QTMAN: variants seen among roughly 807,000 people sequenced by gnomAD.
QTMAN encodes the protein queuosine-tRNA mannosyltransferase.
the QTMAN span, among the ~76,000 whole-genome samples, chr2:144,033,857 G>A: frequency 6.6e-6 from 1 of 152,156 alleles, no homozygotes; most frequent in East Asian, 1.9e-4. Context: ...GAAACTCCAT[G>A]CATTTTAGGA....
At chr2:144,294,733 A>G in the QTMAN span, among the ~76,000 whole-genome samples, 1 of 152,214 alleles carries the variant, frequency 6.6e-6, no homozygotes, top group Admixed American at 6.5e-5. Context: ...AACAAATTGG[A>G]CTTGTTCAGT....
At chr2:144,252,409 T>G in the QTMAN span, among the ~76,000 whole-genome samples, 6 of 151,606 alleles carry the variant, frequency 4.0e-5, no homozygotes, top group African/African-American at 1.2e-4. Context: ...AAATAAAAAG[T>G]AAGGGGGGGC....
At chr2:144,051,524 CAAT>C in the QTMAN span, among the ~76,000 whole-genome samples, 10 of 152,206 alleles carry the variant, frequency 6.6e-5, no homozygotes, top group South Asian at 2.1e-4. Context: ...TCTCTAACAA[CAAT>C]AACAACAACA....
the QTMAN span, among the ~76,000 whole-genome samples, chr2:144,003,979 G>C: frequency 6.6e-6 from 1 of 151,886 alleles, no homozygotes; most frequent in African/African-American, 2.4e-5. Context: ...TTTTATTTTT[G>C]TTTTGTTAGG....
chr2:144,153,583 T>C, the QTMAN span, among the ~76,000 whole-genome samples: 1 of 151,912 alleles, frequency 6.6e-6, no homozygotes, highest in African/African-American at 2.4e-5. Flanking sequence ...CCCAGTTACT[T>C]GGGAGGCTGA....
the QTMAN span, chr2:143,957,118 T>TTACA: frequency 8.7e-7 from 1 of 1,155,530 alleles, no homozygotes; most frequent in East Asian, 2.5e-5. Context: ...AATGTATTAT[T>TTACA]TGAAATAACA....
the QTMAN span, among the ~76,000 whole-genome samples, chr2:143,966,436 A>G: frequency 6.6e-6 from 1 of 152,240 alleles, no homozygotes; most frequent in Non-Finnish European, 1.5e-5. Context: ...GTCACAGAAC[A>G]TGTCTACTTC....
the QTMAN span, among the ~76,000 whole-genome samples, chr2:144,250,136 G>GT: frequency 7.2e-6 from 1 of 138,862 alleles, no homozygotes; most frequent in African/African-American, 3.1e-5. Flanking sequence ...TTTTTTTTTT[G>GT]TTTGTTTTTG....
At chr2:144,299,679 G>T in the QTMAN span, among the ~76,000 whole-genome samples, 1 of 152,166 alleles carries the variant, frequency 6.6e-6, no homozygotes, top group South Asian at 2.1e-4. Flanking sequence ...TACACTGCTG[G>T]TGGGAATACA....
chr2:144,023,650 A>T, the QTMAN span, among the ~76,000 whole-genome samples: 2,368 of 152,308 alleles, frequency 0.016, 61 homozygotes, highest in African/African-American at 0.053. Flanking sequence ...AGTTCATGAA[A>T]ATGGGCAAAT....
the QTMAN span, among the ~76,000 whole-genome samples, chr2:144,241,552 A>T: frequency 4.6e-5 from 7 of 152,368 alleles, no homozygotes; most frequent in African/African-American, 1.7e-4. Flanking sequence ...CAAACTAGTA[A>T]GCAGAATCAG....
the QTMAN span, among the ~76,000 whole-genome samples, chr2:144,311,386 C>G: frequency 2.6e-5 from 4 of 152,128 alleles, no homozygotes; most frequent in Admixed American, 2.6e-4. Context: ...ATGCTTATAA[C>G]CATCCAGGTA....
At chr2:144,091,254 T>C in the QTMAN span, among the ~76,000 whole-genome samples, 2 of 152,118 alleles carry the variant, frequency 1.3e-5, no homozygotes, top group African/African-American at 2.4e-5. Context: ...TAATTCTAAA[T>C]TGTAAAACCT....
At chr2:144,246,579 C>CAAAAAAAA in the QTMAN span, among the ~76,000 whole-genome samples, 4 of 47,056 alleles carry the variant, frequency 8.5e-5, no homozygotes, top group Admixed American at 2.2e-4. Context: ...GACTCCGTCT[C>CAAAAAAAA]AAAAAAAAAA....
chr2:143,975,785 T>C, the QTMAN span, among the ~76,000 whole-genome samples: 1 of 152,016 alleles, frequency 6.6e-6, no homozygotes, highest in African/African-American at 2.4e-5. Flanking sequence ...TGGAGGAGAG[T>C]TGCCCTGTAA....
At chr2:143,953,811 C>A in the QTMAN span, among the ~76,000 whole-genome samples, 1 of 151,860 alleles carries the variant, frequency 6.6e-6, no homozygotes, top group East Asian at 1.9e-4. Flanking sequence ...TTTTGAACTG[C>A]AGATTTTTTT....
At chr2:144,072,040 C>T in the QTMAN span, among the ~76,000 whole-genome samples, 3 of 152,294 alleles carry the variant, frequency 2.0e-5, no homozygotes, top group South Asian at 6.2e-4. Context: ...ACTAAATCTA[C>T]AATTTTCTAC....
chr2:143,967,910 G>A, the QTMAN span, among the ~76,000 whole-genome samples: 1 of 152,138 alleles, frequency 6.6e-6, no homozygotes. Flanking sequence ...TGTTATAAAG[G>A]ATTACAGAGT....
the QTMAN span, among the ~76,000 whole-genome samples, chr2:144,198,697 C>T: frequency 2.0e-5 from 3 of 152,178 alleles, no homozygotes; most frequent in Non-Finnish European, 2.9e-5. Flanking sequence ...GAGTTTGTAT[C>T]GCACAAAAGA....
Sources: gnomAD v4.1 joint callset for allele counts (sites outside exome capture counted in the v4.1 genomes callset) on GRCh38, gnomAD v4.1.1 for gene constraint, MANE v1.5 for transcripts, NCBI Gene and HGNC (gene_info 2026-07-23, HGNC 2026-07-21) for gene names.